CACNA1B: variants seen among roughly 807,000 people sequenced by gnomAD.
The protein encoded by CACNA1B is voltage-dependent N-type calcium channel subunit alpha-1B.
In CACNA1B, 70 loss-of-function variants were observed where a neutral mutation model predicts 247.2. The observed-to-expected ratio is 0.28, with a 90% CI of 0.23 to 0.35. The LOEUF (loss-of-function observed/expected upper bound fraction) is 0.35. Ranked by LOEUF, CACNA1B falls within the 10% of genes least tolerant of loss-of-function variation. CACNA1B has a pLI of 1.00. For synonymous variants in CACNA1B, 1,231 were observed against 1,294.4 expected (o/e 0.95, Z 1.05); for missense variants, 2,367 against 3,197.4 (o/e 0.74, Z 6.26).
chr9:138,050,743 T>C lies in CACNA1B; in HGVS notation c.3711-1349T>C, dbSNP rs1322569337. ...CAAAACAGTATCCCCTCCCTCCTGC[T>C]CCTGTCCCCTCTTCCCTCAGCTGGC... On this transcript the variant is annotated intron_variant, in intron 24 of 46. Coordinates refer to ENST00000371372, the MANE Select transcript of CACNA1B (RefSeq NM_000718.4). This position sits in a 1 kb window ranked among gnomAD's most constrained non-coding sequence, Gnocchi z 5.2. Among the ~76,000 whole-genome samples, 1 of 151,998 alleles carries C rather than the reference T, an allele frequency of 6.6e-6. No homozygotes were observed. Among genetic ancestry groups the C allele is most frequent in the African/African-American group, 2.4e-5 (1 of 41,368 alleles).
intron 6 of CACNA1B, among the ~76,000 whole-genome samples, chr9:137,929,747 G>A (rs1957588662): frequency 6.6e-6 from 1 of 151,922 alleles, no homozygotes; most frequent in South Asian, 2.1e-4. Flanking sequence ...CAATTTCCTG[G>A]GCTCAAGTAA....
In CACNA1B at chr9:137,890,363, G is replaced by A. The variant is rs1167128026; in HGVS notation, c.530+7480G>A. The A allele has an allele frequency of 4.0e-5, 6 of 149,558 alleles. No individual in the cohort carries two copies. In the East Asian group the frequency reaches 1.2e-3, roughly 29 times the overall value. 9.3% of individuals were successfully genotyped at this position (149,558 alleles called of 1,614,324 possible). A position where few individuals can be genotyped will look rare whatever the true frequency, so the allele number is the denominator to read the frequency against. On this transcript the variant is annotated intron_variant, in intron 3 of 46. Coordinates refer to ENST00000371372, the MANE Select transcript of CACNA1B (RefSeq NM_000718.4). ...ACGGGGGACATGGGTGGGAGATAAG[G>A]AAGGGAGGTTTCAGCTCAACCCAGA... is the stretch of plus-strand genomic sequence containing the variant.
chr9:137,934,494 T>C lies in CACNA1B; in HGVS notation c.966+17063T>C, dbSNP rs73669804. Among the ~76,000 whole-genome samples, 923 of 152,288 alleles carry C rather than the reference T, an allele frequency of 6.1e-3. 12 individuals carry two copies. Among genetic ancestry groups the C allele is most frequent in the African/African-American group, 0.02 (851 of 41,542 alleles). ...CTGTGGAGGATTGTATCGTGAACTT[T>C]TGCTCCAGAATGACTGCAGAAATAA... On this transcript the variant is annotated intron_variant, in intron 6 of 46. Coordinates refer to ENST00000371372, the MANE Select transcript of CACNA1B (RefSeq NM_000718.4).
intron 15 of CACNA1B, among the ~76,000 whole-genome samples, chr9:137,992,093 A>T (rs1958437947): frequency 6.6e-6 from 1 of 152,258 alleles, no homozygotes; most frequent in Admixed American, 6.5e-5. Flanking sequence ...CTCACATCTC[A>T]ATATTAATGT....
chr9:138,115,406 G>A (rs1961817835), intron 41 of CACNA1B, 146 bp from the exon 42 acceptor site: 1 of 756,416 alleles, frequency 1.3e-6, no homozygotes. Flanking sequence ...GGGAAAGTAA[G>A]CGGCCCCTTG....
chr9:138,085,251 T>G (rs1240988473), intron 36 of CACNA1B, among the ~76,000 whole-genome samples: 1 of 150,252 alleles, frequency 6.7e-6, no homozygotes, highest in African/African-American at 2.5e-5. Flanking sequence ...AAACTAACAA[T>G]AGAGAGCTTC....
intron 31 of CACNA1B, among the ~76,000 whole-genome samples, chr9:138,066,645 A>G (rs1262339701): frequency 1.3e-5 from 2 of 152,220 alleles, no homozygotes; most frequent in African/African-American, 2.4e-5. Context: ...TGAATAAGTC[A>G]TGGGTAAAAG....
At chr9:137,923,822 T>G (rs1957518979) in intron 6 of CACNA1B, among the ~76,000 whole-genome samples, 1 of 152,214 alleles carries the variant, frequency 6.6e-6, no homozygotes, top group Non-Finnish European at 1.5e-5. Flanking sequence ...TGACACTTTT[T>G]TATTTTAGCC....
chr9:138,077,254 G>A (rs540291428), intron 35 of CACNA1B, among the ~76,000 whole-genome samples: 10 of 152,314 alleles, frequency 6.6e-5, no homozygotes, highest in Non-Finnish European at 1.2e-4. Context: ...TGGGGACCCA[G>A]GCCTCTGACC....
In CACNA1B at chr9:138,120,895, G is replaced by T; in HGVS notation, c.6489+14G>T. ...CCCCACCCACAGGTAAGAGGAATAG[G>T]TGGAGAGGTCAGGGCCCAGCTGCCT... On this transcript the variant is annotated intron_variant, in intron 46 of 46. Coordinates refer to ENST00000371372, the MANE Select transcript of CACNA1B (RefSeq NM_000718.4). The T allele has an allele frequency of 6.4e-7, 1 of 1,557,196 alleles. No homozygotes were observed. Among genetic ancestry groups the T allele is most frequent in the Non-Finnish European group, 8.7e-7 (1 of 1,152,072 alleles).
chr9:138,086,180 A>G (rs1960687597), intron 36 of CACNA1B, among the ~76,000 whole-genome samples: 1 of 151,304 alleles, frequency 6.6e-6, no homozygotes. Flanking sequence ...CACTTAAAGT[A>G]TATAAACTGG....
chr9:137,992,858 A>G (rs1233467820), intron 15 of CACNA1B, among the ~76,000 whole-genome samples: 2 of 152,162 alleles, frequency 1.3e-5, no homozygotes, highest in Non-Finnish European at 2.9e-5. Flanking sequence ...GTGGAATAAA[A>G]TTGGAAATCA....
chr9:138,025,742 G>A (rs1958913162), intron 20 of CACNA1B, among the ~76,000 whole-genome samples: 1 of 152,174 alleles, frequency 6.6e-6, no homozygotes, highest in Non-Finnish European at 1.5e-5. Context: ...CCTGTGTGCA[G>A]TCCCTGAGGG....
chr9:137,951,028 G>A (rs1564204323), intron 6 of CACNA1B, among the ~76,000 whole-genome samples: 1 of 152,218 alleles, frequency 6.6e-6, no homozygotes, highest in Non-Finnish European at 1.5e-5. Context: ...GCAGGTGAGA[G>A]GGGCTGAGGC....
intron 34 of CACNA1B, 34 bp downstream of exon 34, chr9:138,074,100 C>A: frequency 6.5e-7 from 1 of 1,529,822 alleles, no homozygotes; most frequent in Non-Finnish European, 9.0e-7. Flanking sequence ...AGCGTGGTTC[C>A]GGCCTCCCGT....
At chr9:137,979,417 T>C (rs1026948842) in intron 12 of CACNA1B, among the ~76,000 whole-genome samples, 2 of 152,044 alleles carry the variant, frequency 1.3e-5, no homozygotes, top group Non-Finnish European at 2.9e-5. Context: ...ACTGAGAGTA[T>C]GTACATAAGA....
At chr9:138,061,467 G>A (rs1307641566) in intron 31 of CACNA1B, among the ~76,000 whole-genome samples, 2 of 152,100 alleles carry the variant, frequency 1.3e-5, no homozygotes, top group South Asian at 2.1e-4. Context: ...ACCATCGATT[G>A]GCCGTTGGTT....
At chr9:138,074,286 G>T (rs1014030131) in intron 34 of CACNA1B, among the ~76,000 whole-genome samples, 1 of 151,250 alleles carries the variant, frequency 6.6e-6, no homozygotes, top group Admixed American at 6.6e-5. Context: ...TGTCACCCCG[G>T]CTGGAGTGCA....
chr9:137,992,893 G>A (rs7869557), intron 15 of CACNA1B, among the ~76,000 whole-genome samples: 1 of 151,900 alleles, frequency 6.6e-6, no homozygotes, highest in African/African-American at 2.4e-5. Context: ...CACAAAACCA[G>A]GCAAATACAG....
Sources: allele counts gnomAD v4.1 joint callset (sites outside exome capture counted in the v4.1 genomes callset), GRCh38; gene constraint gnomAD v4.1.1; non-coding constraint Gnocchi (gnomAD v3.1); transcripts MANE v1.5; gene names NCBI Gene and HGNC (gene_info 2026-07-23, HGNC 2026-07-21).